The following THRB variants were observed in gnomAD, a reference collection of about 807,000 sequenced individuals.
THRB encodes the protein thyroid hormone receptor beta, also known as nuclear receptor subfamily 1 group A member 2.
Under a neutral mutation model 47.8 loss-of-function variants are expected in THRB, and 12 were observed. The observed-to-expected ratio is 0.25, with a 90% CI of 0.16 to 0.41. The LOEUF is 0.41. THRB is among the 10% of genes least tolerant of loss of function. The pLI is 1.00. For synonymous variants in THRB, 218 were observed against 212.2 expected (o/e 1.03, Z -0.24); for missense variants, 348 against 589.2 (o/e 0.59, Z 4.24).
chr3:24,137,169 A>G (rs1206476861), intron 8 of THRB, among the ~76,000 whole-genome samples: 1 of 152,262 alleles, frequency 6.6e-6, no homozygotes, highest in Non-Finnish European at 1.5e-5. Flanking sequence ...GGGGTAGAGA[A>G]TAAGTCTTAC....
At chr3:24,477,007 A>ATTTTTTTT (rs558247174) in intron 1 of THRB, among the ~76,000 whole-genome samples, 11 of 126,490 alleles carry the variant, frequency 8.7e-5, no homozygotes, top group Non-Finnish European at 1.2e-4. Flanking sequence ...GGTTTTCAAG[A>ATTTTTTTT]TTTTTTTTTT....
chr3:24,283,858 G>C (rs1231403029), intron 3 of THRB, among the ~76,000 whole-genome samples: 1 of 150,848 alleles, frequency 6.6e-6, no homozygotes, highest in Non-Finnish European at 1.5e-5. Flanking sequence ...AAATACCTAG[G>C]AATCCAACTT....
intron 1 of THRB, among the ~76,000 whole-genome samples, chr3:24,373,257 C>T (rs1319185943): frequency 1.3e-5 from 2 of 152,246 alleles, no homozygotes; most frequent in African/African-American, 4.8e-5. Context: ...CCTCTGGCTG[C>T]TCTTTTCTCA....
chr3:24,303,155 C>T (rs1238800280), intron 2 of THRB, among the ~76,000 whole-genome samples: 1 of 152,168 alleles, frequency 6.6e-6, no homozygotes, highest in Non-Finnish European at 1.5e-5. Context: ...AAGCAGAGAT[C>T]CTTATTTGTT....
intron 5 of THRB, chr3:24,165,534 T>C: frequency 1.7e-6 from 1 of 571,860 alleles, no homozygotes; most frequent in Non-Finnish European, 3.1e-6. Flanking sequence ...CTGCTTTACT[T>C]TGTAATAGCA....
intron 5 of THRB, among the ~76,000 whole-genome samples, chr3:24,176,388 C>T (rs1320078484): frequency 6.6e-6 from 1 of 152,078 alleles, no homozygotes; most frequent in Non-Finnish European, 1.5e-5. Context: ...CTTTCTTTAT[C>T]CCAGAATAGC....
intron 5 of THRB, among the ~76,000 whole-genome samples, chr3:24,159,955 T>C (rs1447461680): frequency 2.0e-5 from 3 of 152,200 alleles, no homozygotes; most frequent in Non-Finnish European, 4.4e-5. Context: ...ACACAAATGA[T>C]TCAGAGCTAT....
chr3:24,411,352 A>G (rs1196067021), intron 1 of THRB, among the ~76,000 whole-genome samples: 1 of 151,784 alleles, frequency 6.6e-6, no homozygotes, highest in Non-Finnish European at 1.5e-5. Context: ...ATTTACCATC[A>G]ACATAGGTTA....
At chr3:24,234,864 C>T (rs2048704438) in intron 3 of THRB, among the ~76,000 whole-genome samples, 1 of 152,112 alleles carries the variant, frequency 6.6e-6, no homozygotes, top group Non-Finnish European at 1.5e-5. Context: ...AGGAGCGGGG[C>T]AGGAAGTGAC....
intron 1 of THRB, among the ~76,000 whole-genome samples, chr3:24,477,177 T>G (rs1319777662): frequency 6.6e-6 from 1 of 151,970 alleles, no homozygotes; most frequent in East Asian, 1.9e-4. Flanking sequence ...CTCTAATACT[T>G]TTCTATTTTA....
intron 3 of THRB, chr3:24,237,900 T>G (rs143047258): frequency 1.5e-3 from 222 of 152,220 alleles, no homozygotes; most frequent in African/African-American, 5.1e-3. Context: ...TATTGTCACA[T>G]TGAGTGAAAC....
intron 1 of THRB, among the ~76,000 whole-genome samples, chr3:24,349,291 A>T (rs938412073): frequency 2.6e-5 from 4 of 152,132 alleles, no homozygotes; most frequent in Non-Finnish European, 5.9e-5. Flanking sequence ...TAGATTCAAT[A>T]TACAGTAATC....
intron 4 of THRB, among the ~76,000 whole-genome samples, chr3:24,195,730 C>T (rs2043874466): frequency 6.6e-6 from 1 of 152,224 alleles, no homozygotes; most frequent in African/African-American, 2.4e-5. Context: ...ATCCTCCAGC[C>T]ACATGGGCTG....
At chr3:24,472,491 G>A (rs1036698019) in intron 1 of THRB, among the ~76,000 whole-genome samples, 1 of 152,166 alleles carries the variant, frequency 6.6e-6, no homozygotes, top group East Asian at 1.9e-4. Context: ...AAAAAGGAAT[G>A]TCAACTGTGC....
intron 1 of THRB, among the ~76,000 whole-genome samples, chr3:24,460,439 G>A (rs1022282188): frequency 6.6e-6 from 1 of 152,110 alleles, no homozygotes; most frequent in Non-Finnish European, 1.5e-5. Flanking sequence ...ACTGTGTTGG[G>A]TTTGTAATAT....
chr3:24,268,988 G>A (rs888953046), intron 3 of THRB, among the ~76,000 whole-genome samples: 18 of 152,100 alleles, frequency 1.2e-4, no homozygotes, highest in Non-Finnish European at 2.4e-4. Flanking sequence ...TAGCCATACA[G>A]GCAACATGGC....
chr3:24,461,916 A>T lies in THRB; in HGVS notation c.-261+32736T>A, dbSNP rs992078305. Among the ~76,000 whole-genome samples, 3 of 152,204 alleles carry T rather than the reference A, an allele frequency of 2.0e-5. No homozygotes were observed. In the East Asian group the frequency reaches 5.8e-4, roughly 29 times the overall value. ...ACAGATTGCCATGCACCTATTAAAA[A>T]TAATTTTAAAGAATAATATTCAATG... is the stretch of plus-strand genomic sequence containing the variant. On this transcript the variant is annotated intron_variant, in intron 1 of 10. Coordinates refer to ENST00000646209, the MANE Select transcript of THRB (RefSeq NM_001354712.2).
At chr3:24,391,238 GTGGTAAAATA>G (rs761327985) in intron 1 of THRB, among the ~76,000 whole-genome samples, 225 of 152,250 alleles carry the variant, frequency 1.5e-3, no homozygotes, top group Non-Finnish European at 2.3e-3. Flanking sequence ...TAGAACATGG[GTGGTAAAATA>G]TGGTCAAAAG....
chr3:24,322,380 T>C (rs920062037), intron 2 of THRB, among the ~76,000 whole-genome samples: 1 of 152,214 alleles, frequency 6.6e-6, no homozygotes, highest in African/African-American at 2.4e-5. Context: ...AGTAGGTAAA[T>C]GATTTAAGTA....
Sources: allele counts gnomAD v4.1 joint callset (sites outside exome capture counted in the v4.1 genomes callset), GRCh38; gene constraint gnomAD v4.1.1; transcripts MANE v1.5; gene names NCBI Gene and HGNC (gene_info 2026-07-23, HGNC 2026-07-21).